The following LGI2 variants were observed in gnomAD, a reference collection of about 807,000 sequenced individuals.
The protein encoded by LGI2 is leucine-rich repeat LGI family member 2.
Under a neutral mutation model 52.0 loss-of-function variants are expected in LGI2, and 30 were observed. The observed-to-expected ratio is 0.58, with a 90% CI of 0.43 to 0.78. The LOEUF is 0.78. Among genes scored for constraint, LGI2 ranks in the 30% least tolerant of loss-of-function variants. The pLI is 0.00. For synonymous variants in LGI2, 270 were observed against 271.8 expected (o/e 0.99, Z 0.06); for missense variants, 573 against 692.5 (o/e 0.83, Z 1.94).
At chr4:25,017,472 G>C (rs1725806176) in intron 6 of LGI2, among the ~76,000 whole-genome samples, 1 of 149,818 alleles carries the variant, frequency 6.7e-6, no homozygotes, top group Non-Finnish European at 1.5e-5. Flanking sequence ...AACCCAGGAG[G>C]TGGAGATTGC....
At position 25,018,434 on chromosome 4, in the gene LGI2, G is replaced by A. The variant is rs578138823; in HGVS notation, c.486-276C>T. ...ACATATCATCTCTCCAAATGCTCTC[G>A]TCTCCACGCCATGCCAGAAATGGGA... On this transcript the variant is annotated intron_variant, in intron 5 of 7. Transcript: ENST00000382114. Among the ~76,000 whole-genome samples the A allele has an allele frequency of 1.9e-4, 29 of 152,220 alleles. No individual in the cohort carries two copies. The East Asian group carries it at 3.9e-3, about 20-fold the overall frequency.
At position 25,009,175 on chromosome 4, in the gene LGI2, A is replaced by G. The variant is rs559177896; in HGVS notation, c.820+3160T>C. ...TCAGAGGAAAAGCCAAGTCCTTCCTAGGACCTGTGAGACTCCATGATCAGC... is the reference window on the plus strand; with the variant it reads ...TCAGAGGAAAAGCCAAGTCCTTCCTGGGACCTGTGAGACTCCATGATCAGC... On this transcript the variant is annotated intron_variant, in intron 7 of 7. Coordinates refer to ENST00000382114, the MANE Select transcript of LGI2 (RefSeq NM_018176.4). Among the ~76,000 whole-genome samples the G allele has an allele frequency of 1.5e-3, 221 of 152,342 alleles. 1 individual carries two copies. Among genetic ancestry groups the G allele is most frequent in the African/African-American group, 5.0e-3 (207 of 41,572 alleles).
chr4:25,003,327 TA>T lies in LGI2; in HGVS notation c.*123del. 1.4e-6 allele frequency: 1 copy of T among 695,798 alleles called. No homozygotes were observed. 43.1% of individuals were successfully genotyped at this position (695,798 alleles called of 1,614,324 possible). ...TGAGTTCTAAAAGTTTGAAAACATC[TA>T]ACTATTTCAGTGCTTTTTAATTTCA... On this transcript the variant is annotated 3_prime_UTR_variant, in exon 8 of 8. Transcript: ENST00000382114.
intron 3 of LGI2, among the ~76,000 whole-genome samples, chr4:25,026,469 C>T (rs1325231685): frequency 6.6e-6 from 1 of 151,862 alleles, no homozygotes. Flanking sequence ...GAAGTTGTAC[C>T]CCCCAAATAG....
downstream of LGI2, among the ~76,000 whole-genome samples, chr4:24,995,395 T>A (rs2109395543): frequency 6.6e-6 from 1 of 152,352 alleles, no homozygotes; most frequent in East Asian, 1.9e-4. Flanking sequence ...GAATCAGGAA[T>A]CCAGGAGTGG....
In LGI2 at chr4:25,018,022, C is replaced by T. The variant is rs375887654; in HGVS notation, c.622G>A (p.Val208Met). 4.4e-5 allele frequency: 71 copies of T among 1,612,524 alleles called. No individual in the cohort carries two copies. The highest frequency in any genetic ancestry group is 5.3e-5 in the African/African-American group (4 of 74,856). ...GTGCATTCATAGTCAAAGCTGGTCA[C>T]GTCATTTAGCTTCTTTTCCTGATAC... ...PEYQEKKLND[V>M]TSFDYECTTT... The change falls in exon 6 of 8, where the codon GTG becomes ATG. Residue 208 changes from valine (V) to methionine (M), a missense_variant. Coordinates refer to ENST00000382114, the MANE Select transcript of LGI2 (RefSeq NM_018176.4).
At chr4:25,022,017 A>G (rs189319137) in intron 4 of LGI2, among the ~76,000 whole-genome samples, 78 of 151,954 alleles carry the variant, frequency 5.1e-4, no homozygotes, top group African/African-American at 1.9e-3. Context: ...GAAGCCATCC[A>G]TCCATTAGCA....
Position 25,004,170 on chromosome 4 carries a change from C to A in LGI2, c.919G>T (p.Glu307Ter). The A allele has an allele frequency of 6.2e-7, 1 of 1,614,156 alleles. No individual in the cohort carries two copies. Among genetic ancestry groups the A allele is most frequent in the East Asian group, 2.2e-5 (1 of 44,886 alleles). ...AATTTGACAAATTTGGTCCAACTCT[C>A]GTCGTATTTGTAAATGTGAGAGCCA... ...FGGSHIYKYDESWTKFVKFQD... is the reference protein window; with the variant it reads ...FGGSHIYKYD Residue 307 changes from glutamate to a stop codon, truncating the protein, a stop_gained, in exon 8 of 8, where the codon GAG becomes TAG. Coordinates refer to ENST00000382114, the MANE Select transcript of LGI2 (RefSeq NM_018176.4). LOFTEE classifies it high-confidence loss of function. This position sits in a 1 kb window ranked among gnomAD's most constrained non-coding sequence, Gnocchi z 4.6.
At position 25,001,992 on chromosome 4, in the gene LGI2, T is replaced by C. The variant is rs1280043398; in HGVS notation, c.*1459A>G. 1.3e-5 allele frequency: 2 copies of C among 152,226 alleles called. No individual in the cohort carries two copies. Among genetic ancestry groups the C allele is most frequent in the African/African-American group, 4.8e-5 (2 of 41,462 alleles). 9.4% of individuals were successfully genotyped at this position (152,226 alleles called of 1,614,324 possible). A position where few individuals can be genotyped will look rare whatever the true frequency, so the allele number is the denominator to read the frequency against. On this transcript the variant is annotated 3_prime_UTR_variant, in exon 8 of 8. Coordinates refer to ENST00000382114, the MANE Select transcript of LGI2 (RefSeq NM_018176.4). ...ACCCCTAAAGGCATTCACTTTATAT[T>C]CTCTGAAGAGAACCAGCTAACCAGG...
At position 24,999,784 on chromosome 4, in the gene LGI2, G is replaced by GA; in HGVS notation, c.*3666dup. ...ACACAGACTCTCACTCCATGGGGAA[G>GA]AAAAAATGCAACTCTGCCATTTCCA... On this transcript the variant is annotated 3_prime_UTR_variant, in exon 8 of 8. Transcript: ENST00000382114. 2.2e-6 allele frequency: 1 copy of GA among 455,952 alleles called. No homozygotes were observed. Among genetic ancestry groups the GA allele is most frequent in the Admixed American group, 2.4e-5 (1 of 42,542 alleles). 28.2% of individuals were successfully genotyped at this position (455,952 alleles called of 1,614,324 possible).
intron 5 of LGI2, among the ~76,000 whole-genome samples, chr4:25,018,455 TG>T (rs1353954059): frequency 3.9e-5 from 6 of 152,234 alleles, no homozygotes; most frequent in Middle Eastern, 3.4e-3. Context: ...ATGCCAGAAA[TG>T]GGAGACATAT....
At chr4:25,020,752 T>C (rs1725928547) in intron 4 of LGI2, among the ~76,000 whole-genome samples, 1 of 152,184 alleles carries the variant, frequency 6.6e-6, no homozygotes, top group Non-Finnish European at 1.5e-5. Context: ...CAAGTTAATA[T>C]GGGGAGACCC....
rs756927345 is a variant in LGI2 at position 25,018,015 on chromosome 4, C to T, written c.629G>A (p.Ser210Asn). 2 of 1,612,022 alleles carry T rather than the reference C, an allele frequency of 1.2e-6. No homozygotes were observed. Among genetic ancestry groups the T allele is most frequent in the Non-Finnish European group, 1.7e-6 (2 of 1,179,454 alleles). The change falls in exon 6 of 8, where the codon AGC becomes AAC. Residue 210 changes from serine to asparagine, a missense_variant. Transcript: ENST00000382114. ...TGTAGTTGTGCATTCATAGTCAAAG[C>T]TGGTCACGTCATTTAGCTTCTTTTC... is the stretch of plus-strand genomic sequence containing the variant. ...YQEKKLNDVT[S>N]FDYECTTTDF...
intron 3 of LGI2, among the ~76,000 whole-genome samples, chr4:25,026,346 A>G (rs1207044857): frequency 1.1e-4 from 16 of 151,996 alleles, no homozygotes; most frequent in Non-Finnish European, 1.5e-5. Context: ...CTGCACATCA[A>G]AAAAGGGAAA....
chr4:25,009,110 C>T (rs1438136234), intron 7 of LGI2, among the ~76,000 whole-genome samples: 7 of 152,230 alleles, frequency 4.6e-5, no homozygotes, highest in Admixed American at 4.6e-4. Flanking sequence ...CCTGCATCCT[C>T]CTGCCTCTGC....
chr4:25,019,039 A>G lies in LGI2; in HGVS notation c.485+128T>C. On this transcript the variant is annotated intron_variant, in intron 5 of 7. Coordinates refer to ENST00000382114, the MANE Select transcript of LGI2 (RefSeq NM_018176.4). ...AACTGTATGCTATTTCCCAGGATGC[A>G]CTACTTTGTTATAGATTTTTAACCA... is the stretch of plus-strand genomic sequence containing the variant. The G allele has an allele frequency of 7.1e-6, 5 of 703,530 alleles. No homozygotes were observed. In the South Asian group the frequency reaches 8.1e-5, roughly 11 times the overall value. 43.6% of individuals were successfully genotyped at this position (703,530 alleles called of 1,614,324 possible).
At chr4:24,992,771 AC>A in the LGI2 span, among the ~76,000 whole-genome samples, 383 of 151,398 alleles carry the variant, frequency 2.5e-3, 4 homozygotes, top group South Asian at 0.029. Flanking sequence ...AGCAAAATAG[AC>A]CCCCTCACCC....
Position 24,999,899 on chromosome 4 carries a change from T to G in LGI2, c.*3552A>C, listed in dbSNP as rs1343494556. Reference sequence around the variant, plus strand: ...GAATTTTTCCTTCACAGATCTCTTCTTGTTTATCTGGTGGACAATGTGACA... The same window carrying G: ...GAATTTTTCCTTCACAGATCTCTTCGTGTTTATCTGGTGGACAATGTGACA... On this transcript the variant is annotated 3_prime_UTR_variant, in exon 8 of 8. Coordinates refer to ENST00000382114, the MANE Select transcript of LGI2 (RefSeq NM_018176.4). 2.2e-6 allele frequency: 1 copy of G among 456,012 alleles called. No individual in the cohort carries two copies. Among genetic ancestry groups the G allele is most frequent in the Admixed American group, 2.3e-5 (1 of 42,554 alleles). The allele number at this position is 456,012 out of a possible 1,614,324, so 28.2% of individuals were successfully genotyped here. A position where few individuals can be genotyped will look rare whatever the true frequency, so the allele number is the denominator to read the frequency against.
intron 7 of LGI2, among the ~76,000 whole-genome samples, chr4:25,009,714 C>T (rs1197071077): frequency 6.6e-6 from 1 of 152,112 alleles, no homozygotes; most frequent in Non-Finnish European, 1.5e-5. Flanking sequence ...TGGCTCACTG[C>T]AACCTCCGCC....
Sources: allele counts gnomAD v4.1 joint callset (sites outside exome capture counted in the v4.1 genomes callset), GRCh38; gene constraint gnomAD v4.1.1; non-coding constraint Gnocchi (gnomAD v3.1); transcripts MANE v1.5; gene names NCBI Gene and HGNC (gene_info 2026-07-23, HGNC 2026-07-21).